The following DCN variants were observed in gnomAD, a reference collection of about 807,000 sequenced individuals.
DCN encodes the protein bone proteoglycan II.
Under a neutral mutation model 36.5 loss-of-function variants are expected in DCN, and 17 were observed. That is an observed-to-expected ratio of 0.47 (90% CI 0.32 to 0.70). The LOEUF (loss-of-function observed/expected upper bound fraction) is 0.70, where lower values mean the gene tolerates loss of function less well. DCN is among the 30% of genes least tolerant of loss of function. The pLI is 0.04. For missense variants in DCN, 389 were observed against 430.1 expected (o/e 0.90, Z 0.84); for synonymous variants, 163 against 161.4 (o/e 1.01, Z -0.07).
At chr12:91,171,933 T>G (rs1882985479) in intron 2 of DCN, among the ~76,000 whole-genome samples, 1 of 152,016 alleles carries the variant, frequency 6.6e-6, no homozygotes, top group South Asian at 2.1e-4. Flanking sequence ...TTTCCTACAT[T>G]TATTTTTCAT....
intron 1 of DCN, chr12:91,180,232 G>A (rs930350838): frequency 2.6e-5 from 4 of 151,462 alleles, no homozygotes; most frequent in African/African-American, 7.3e-5. Context: ...CTGTACGTTC[G>A]TAAGTAGAAT....
At position 91,141,899 on chromosome 12, in the gene DCN, G is replaced by A. The variant is rs963822371; in HGVS notation, c.*4159C>T. ...TTTCTGGTTATCTTATACTGGGGTA[G>A]GGTGTGCATATGCCCTTTCTTTTGG... On this transcript the variant is annotated 3_prime_UTR_variant, in exon 8 of 8. Coordinates refer to ENST00000052754, the MANE Select transcript of DCN (RefSeq NM_001920.5). 7 of 152,118 alleles carry A rather than the reference G, an allele frequency of 4.6e-5. No homozygotes were observed. The highest frequency in any genetic ancestry group is 1.7e-4 in the African/African-American group (7 of 41,430). 9.4% of individuals were successfully genotyped at this position (152,118 alleles called of 1,614,324 possible). A position where few individuals can be genotyped will look rare whatever the true frequency, so the allele number is the denominator to read the frequency against.
rs1004167119 is a variant in DCN, at chr12:91,142,044, T to C, written c.*4014A>G. On this transcript the variant is annotated 3_prime_UTR_variant, in exon 8 of 8. Coordinates refer to ENST00000052754, the MANE Select transcript of DCN (RefSeq NM_001920.5). ...GATTTTACTTTGTTTTCCACTATTA[T>C]ACTTTGTGGTGTGAAATTGACAGTC... 6.6e-6 allele frequency: 1 copy of C among 152,240 alleles called. No homozygotes were observed. The highest frequency in any genetic ancestry group is 2.4e-5 in the African/African-American group (1 of 41,464). 9.4% of individuals were successfully genotyped at this position (152,240 alleles called of 1,614,324 possible).
intron 6 of DCN, among the ~76,000 whole-genome samples, chr12:91,152,699 TTC>T (rs1881511789): frequency 6.6e-6 from 1 of 152,178 alleles, no homozygotes; most frequent in African/African-American, 2.4e-5. Context: ...TGCTCAATAT[TTC>T]TCTGTCTTGG....
chr12:91,149,573 C>T (rs1032711624), intron 7 of DCN, among the ~76,000 whole-genome samples: 1 of 152,120 alleles, frequency 6.6e-6, no homozygotes, highest in Non-Finnish European at 1.5e-5. Context: ...CTTTGTTCAA[C>T]ATTGCACTGG....
intron 2 of DCN, chr12:91,176,324 A>G (rs1883283592): frequency 6.6e-6 from 1 of 152,122 alleles, no homozygotes; most frequent in Non-Finnish European, 1.5e-5. Context: ...TTAGTATATG[A>G]GTCAGTAAAC....
Position 91,145,123 on chromosome 12 carries a change from T to C in DCN, c.*935A>G, listed in dbSNP as rs1273074870. 1.3e-5 allele frequency: 2 copies of C among 152,240 alleles called. No homozygotes were observed. The highest frequency in any genetic ancestry group is 2.9e-5 in the Non-Finnish European group (2 of 68,028). 9.4% of individuals were successfully genotyped at this position (152,240 alleles called of 1,614,324 possible). On this transcript the variant is annotated 3_prime_UTR_variant, in exon 8 of 8. Transcript: ENST00000052754. Reference sequence around the variant, plus strand: ...ACTGTAAGTAAATCATCCCCAGGCTTATTAAATTGTCTGCATTGATAGTTG... The same window carrying C: ...ACTGTAAGTAAATCATCCCCAGGCTCATTAAATTGTCTGCATTGATAGTTG...
Position 91,145,737 on chromosome 12 carries a change from G to A in DCN, c.*321C>T. 1 of 410,464 alleles carries A rather than the reference G, an allele frequency of 2.4e-6. No homozygotes were observed. The highest frequency in any genetic ancestry group is 4.6e-6 in the Non-Finnish European group (1 of 216,312). 25.4% of individuals were successfully genotyped at this position (410,464 alleles called of 1,614,324 possible). On this transcript the variant is annotated 3_prime_UTR_variant, in exon 8 of 8. Transcript: ENST00000052754. ...ACTCATACTCTTTTTATTTTTTCCT[G>A]GAAATTAAAAAAGAAAAGCTTTACT...
intron 3 of DCN, among the ~76,000 whole-genome samples, chr12:91,162,940 T>C (rs1264259177): frequency 6.6e-6 from 1 of 152,172 alleles, no homozygotes; most frequent in Non-Finnish European, 1.5e-5. Flanking sequence ...AGATTCTTTA[T>C]CTCCATGGTC....
intron 5 of DCN, 40 bp downstream of exon 5, chr12:91,157,035 A>G: frequency 2.1e-6 from 3 of 1,425,822 alleles, no homozygotes; most frequent in Non-Finnish European, 3.0e-6. Flanking sequence ...AAGCCTTTGA[A>G]TTTAAATTTT....
chr12:91,162,392 ATCTTC>A (rs1219537457), intron 3 of DCN, among the ~76,000 whole-genome samples: 4 of 152,154 alleles, frequency 2.6e-5, no homozygotes, highest in African/African-American at 9.7e-5. Flanking sequence ...ACTAAATGGT[ATCTTC>A]ATTATAGTAA....
At position 91,144,909 on chromosome 12, in the gene DCN, T is replaced by C. The variant is rs546461338; in HGVS notation, c.*1149A>G. On this transcript the variant is annotated 3_prime_UTR_variant, in exon 8 of 8. Coordinates refer to ENST00000052754, the MANE Select transcript of DCN (RefSeq NM_001920.5). The stretch of plus-strand genomic sequence containing the variant: ...TATGACAAAATTTAGTCCACCATAT[T>C]TCAATTATTTGCTATACTTAATAAA... The C allele has an allele frequency of 3.3e-5, 5 of 152,340 alleles. No individual in the cohort carries two copies. In the East Asian group the frequency reaches 7.7e-4, roughly 23 times the overall value. The allele number at this position is 152,340 out of a possible 1,614,324, so 9.4% of individuals were successfully genotyped here.
chr12:91,177,894 G>A (rs558229363), intron 2 of DCN: 4 of 473,134 alleles, frequency 8.5e-6, no homozygotes, highest in Non-Finnish European at 1.5e-5. Context: ...TTACAATTTA[G>A]TAATGTTGAA....
intron 2 of DCN, among the ~76,000 whole-genome samples, chr12:91,167,583 T>C (rs1278086600): frequency 1.3e-5 from 2 of 152,138 alleles, no homozygotes; most frequent in Non-Finnish European, 2.9e-5. Context: ...ATGATTATGA[T>C]AGCAGATGGC....
chr12:91,154,587 C>T (rs1881640091), intron 5 of DCN, among the ~76,000 whole-genome samples: 1 of 152,034 alleles, frequency 6.6e-6, no homozygotes, highest in Non-Finnish European at 1.5e-5. Flanking sequence ...TGGGAGAAAA[C>T]CTTGCAATAG....
At chr12:91,168,021 T>C (rs765838441) in intron 2 of DCN, among the ~76,000 whole-genome samples, 5 of 152,022 alleles carry the variant, frequency 3.3e-5, no homozygotes, top group Non-Finnish European at 7.4e-5. Flanking sequence ...TTAGTAAAGA[T>C]GGAGTTTCAC....
intron 2 of DCN, chr12:91,175,707 A>G (rs938912296): frequency 6.6e-6 from 1 of 152,122 alleles, no homozygotes; most frequent in Non-Finnish European, 1.5e-5. Flanking sequence ...AGACAGTGTT[A>G]GTCTTTGATA....
intron 3 of DCN, among the ~76,000 whole-genome samples, chr12:91,161,206 C>T (rs1882134457): frequency 6.6e-6 from 1 of 152,054 alleles, no homozygotes; most frequent in African/African-American, 2.4e-5. Context: ...TGATGGCTGC[C>T]TAAAAACAGA....
chr12:91,157,010 T>A, intron 5 of DCN, 65 bp downstream of exon 5: 1 of 1,213,914 alleles, frequency 8.2e-7, no homozygotes, highest in East Asian at 2.3e-5. Flanking sequence ...CCACAAGATT[T>A]TTTTTTTTTA....
Sources: gnomAD v4.1 joint callset for allele counts (sites outside exome capture counted in the v4.1 genomes callset) on GRCh38, gnomAD v4.1.1 for gene constraint, MANE v1.5 for transcripts, NCBI Gene and HGNC (gene_info 2026-07-23, HGNC 2026-07-21) for gene names.